SASH1: variants seen among roughly 807,000 people sequenced by gnomAD.
SASH1 encodes SAM and SH3 domain-containing protein 1.
In SASH1, 44 loss-of-function variants were observed where a neutral mutation model predicts 125.2. The ratio of observed to expected loss-of-function variants is 0.35; its 90% CI spans 0.28 to 0.45. SASH1 has a LOEUF of 0.45. SASH1 is among the 20% of genes least tolerant of loss of function. SASH1 has a pLI of 1.00. For missense variants in SASH1, 1,426 were observed against 1,614.5 expected (o/e 0.88, Z 2.00); for synonymous variants, 639 against 649.1 (o/e 0.98, Z 0.24).
At chr6:148,449,152 C>T (rs1379528990) in intron 4 of SASH1, among the ~76,000 whole-genome samples, 1 of 145,848 alleles carries the variant, frequency 6.9e-6, no homozygotes, top group East Asian at 2.0e-4. Flanking sequence ...TCACTGCAAC[C>T]TCTGCCTTCT....
intron 2 of SASH1, among the ~76,000 whole-genome samples, chr6:148,439,691 C>T (rs1776461761): frequency 6.6e-6 from 1 of 151,908 alleles, no homozygotes; most frequent in African/African-American, 2.4e-5. Context: ...GCAGGAGAAT[C>T]ACTTGAACCT....
At position 148,387,647 on chromosome 6, in the gene SASH1, T is replaced by G. The variant is rs373257791; in HGVS notation, c.157-2487T>G. ...TTCTTTCTTTCTTTCTTTCTTTCTT[T>G]CTTTCTTTCTTTCTTTCTTTCTTTC... On this transcript the variant is annotated intron_variant, in intron 1 of 19. Transcript: ENST00000367467. Among the ~76,000 whole-genome samples the G allele has an allele frequency of 2.1e-4, 12 of 56,766 alleles. 1 individual carries two copies. The highest frequency in any genetic ancestry group is 8.7e-4 in the African/African-American group (12 of 13,740). 37.2% of individuals were successfully genotyped at this position (56,766 alleles called of 152,430 possible).
chr6:148,452,675 G>A (rs558339388), intron 4 of SASH1, among the ~76,000 whole-genome samples: 4 of 149,028 alleles, frequency 2.7e-5, no homozygotes, highest in South Asian at 2.2e-4. Context: ...CCTGGCACGC[G>A]ATAGGTGCTC....
intron 1 of SASH1, among the ~76,000 whole-genome samples, chr6:148,345,185 T>TGG (rs1163353463): frequency 6.6e-6 from 1 of 152,088 alleles, no homozygotes; most frequent in African/African-American, 2.4e-5. Context: ...CGGGGAGGAT[T>TGG]GGGGGCCTGT....
At chr6:148,461,033 A>G (rs1161460431) in intron 4 of SASH1, among the ~76,000 whole-genome samples, 2 of 152,230 alleles carry the variant, frequency 1.3e-5, no homozygotes, top group East Asian at 3.9e-4. Flanking sequence ...GAATAGTTAC[A>G]AGAAGTAACA....
intron 16 of SASH1, among the ~76,000 whole-genome samples, chr6:148,537,592 G>A (rs534171292): frequency 1.3e-3 from 192 of 152,288 alleles, no homozygotes; most frequent in African/African-American, 4.4e-3. Flanking sequence ...TTAATGTTTT[G>A]CCATATTTTC....
At chr6:148,307,069 T>TTTCTTTC (rs1780156458) in intron 1 of SASH1, among the ~76,000 whole-genome samples, 1 of 147,950 alleles carries the variant, frequency 6.8e-6, no homozygotes, top group Non-Finnish European at 1.5e-5. Context: ...TCTTTCTTTC[T>TTTCTTTC]TTCTTTCTTT....
the SASH1 span, among the ~76,000 whole-genome samples, chr6:148,242,615 C>T: frequency 6.6e-6 from 1 of 152,218 alleles, no homozygotes; most frequent in Non-Finnish European, 1.5e-5. Flanking sequence ...TTATCATTCA[C>T]AAGGTTATTT....
At chr6:148,526,905 CTCTG>C (rs1344309413) in intron 11 of SASH1, among the ~76,000 whole-genome samples, 1 of 145,338 alleles carries the variant, frequency 6.9e-6, no homozygotes, top group Admixed American at 7.0e-5. Context: ...GGGAGTCTCA[CTCTG>C]TCGCCCAGGC....
intron 1 of SASH1, among the ~76,000 whole-genome samples, chr6:148,374,995 C>G (rs544988507): frequency 6.6e-6 from 1 of 151,864 alleles, no homozygotes; most frequent in East Asian, 1.9e-4. Flanking sequence ...CCACACCTGG[C>G]CTTTTTTTGT....
At chr6:148,477,976 C>T (rs1253848933) in intron 7 of SASH1, among the ~76,000 whole-genome samples, 1 of 152,082 alleles carries the variant, frequency 6.6e-6, no homozygotes, top group Non-Finnish European at 1.5e-5. Flanking sequence ...TGATTACGGG[C>T]ATGAGTCACT....
chr6:148,390,655 A>G (rs9498030), intron 2 of SASH1, among the ~76,000 whole-genome samples: 41,484 of 151,538 alleles, frequency 0.27, 5,640 homozygotes, highest in South Asian at 0.39. Flanking sequence ...GGGCGTGGTG[A>G]TGGGTGCCTG....
intron 4 of SASH1, among the ~76,000 whole-genome samples, chr6:148,453,960 G>C (rs944874360): frequency 3.3e-5 from 5 of 152,234 alleles, no homozygotes; most frequent in African/African-American, 1.2e-4. Context: ...TGGCTGCACA[G>C]GCCAGGTGAG....
intron 5 of SASH1, among the ~76,000 whole-genome samples, chr6:148,471,019 CTTCTT>C (rs1349733629): frequency 2.0e-5 from 3 of 152,046 alleles, no homozygotes; most frequent in African/African-American, 7.3e-5. Context: ...ACCAAGTGAA[CTTCTT>C]AAAATACCCT....
At chr6:148,546,498 A>G (rs1376502220) in intron 19 of SASH1, among the ~76,000 whole-genome samples, 1 of 152,188 alleles carries the variant, frequency 6.6e-6, no homozygotes, top group African/African-American at 2.4e-5. Context: ...GTGAGACCCC[A>G]TCTCTTAAGA....
chr6:148,248,143 C>T, the SASH1 span, among the ~76,000 whole-genome samples: 1 of 152,218 alleles, frequency 6.6e-6, no homozygotes, highest in Non-Finnish European at 1.5e-5. Context: ...ATCCTCCAAA[C>T]TGCCAAAGAA....
At chr6:148,468,644 C>A in intron 5 of SASH1, 59 bp downstream of exon 5, 1 of 1,088,514 alleles carries the variant, frequency 9.2e-7, no homozygotes. Context: ...ATAGAAAACA[C>A]GAATATGTGA....
At chr6:148,353,784 T>C (rs1781827126) in intron 1 of SASH1, among the ~76,000 whole-genome samples, 1 of 152,210 alleles carries the variant, frequency 6.6e-6, no homozygotes, top group African/African-American at 2.4e-5. Flanking sequence ...CTTTTTAATA[T>C]GTAGCTTAAA....
upstream of SASH1, among the ~76,000 whole-genome samples, chr6:148,341,327 TTTG>T (rs1781316706): frequency 6.8e-6 from 1 of 147,406 alleles, no homozygotes; most frequent in African/African-American, 2.6e-5. Flanking sequence ...GTTTTTTTTT[TTTG>T]TTTTTTTTTT....
Sources: allele counts gnomAD v4.1 joint callset (sites outside exome capture counted in the v4.1 genomes callset), GRCh38; gene constraint gnomAD v4.1.1; transcripts MANE v1.5; gene names NCBI Gene and HGNC (gene_info 2026-07-23, HGNC 2026-07-21).